Variants in SUCO observed in about 807,000 individuals in gnomAD.
SUCO encodes SUN domain-containing ossification factor.
SUCO carries 57 observed loss-of-function variants against 148.1 expected under a neutral mutation model. The observed-to-expected ratio is 0.38, with a 90% CI of 0.31 to 0.48. The LOEUF (loss-of-function observed/expected upper bound fraction) is 0.48. Among genes scored for constraint, SUCO ranks in the 20% least tolerant of loss-of-function variants. The pLI, the probability that SUCO is intolerant of heterozygous loss-of-function variation, is 0.96. For synonymous variants in SUCO, 470 were observed against 502.7 expected (o/e 0.93, Z 0.87); for missense variants, 1,331 against 1,468.2 (o/e 0.91, Z 1.53).
chr1:172,592,665 T>C (rs1656756790), intron 19 of SUCO, among the ~76,000 whole-genome samples: 1 of 152,234 alleles, frequency 6.6e-6, no homozygotes, highest in Non-Finnish European at 1.5e-5. Flanking sequence ...TACCATGCTG[T>C]TTTTGTTACT....
At chr1:172,595,367 C>T (rs555722254) in intron 19 of SUCO, among the ~76,000 whole-genome samples, 2 of 152,344 alleles carry the variant, frequency 1.3e-5, no homozygotes, top group South Asian at 2.1e-4. Context: ...GCAGTTTCTT[C>T]CTAGCCTTGA....
chr1:172,532,601 C>T (rs771538556), upstream of SUCO: 9 of 1,613,990 alleles, frequency 5.6e-6, no homozygotes, highest in Non-Finnish European at 6.8e-6. Flanking sequence ...CTAGGCCATT[C>T]CACGAACTGT....
At position 172,592,770 on chromosome 1, in the gene SUCO, G is replaced by A. The variant is rs187440931; in HGVS notation, c.2913+1699G>A. Among the ~76,000 whole-genome samples the A allele has an allele frequency of 1.6e-3, 243 of 152,108 alleles. 1 individual carries two copies. Among genetic ancestry groups the A allele is most frequent in the Admixed American group, 2.4e-3 (36 of 15,268 alleles). ...GTCTTGGCAATGTGGGCTCTTTTTT[G>A]GTTCCTTATGAACTTTAAAGTAGTT... On this transcript the variant is annotated intron_variant, in intron 19 of 23. Coordinates refer to ENST00000263688, the MANE Select transcript of SUCO (RefSeq NM_014283.5).
chr1:172,542,929 G>A (rs1652591211), intron 1 of SUCO: 1 of 985,232 alleles, frequency 1.0e-6, no homozygotes, highest in Admixed American at 6.1e-5. Context: ...TTCAAAAGAG[G>A]GAAGTGATTG....
intron 19 of SUCO, among the ~76,000 whole-genome samples, chr1:172,592,118 G>C (rs1449698083): frequency 6.6e-6 from 1 of 152,136 alleles, no homozygotes; most frequent in Non-Finnish European, 1.5e-5. Flanking sequence ...CCTACTTTTT[G>C]ATGGGGTTGT....
intron 19 of SUCO, among the ~76,000 whole-genome samples, 179 bp downstream of exon 19, chr1:172,591,250 C>G (rs1656640754): frequency 1.3e-5 from 2 of 151,924 alleles, no homozygotes; most frequent in African/African-American, 4.8e-5. Context: ...GCATCATTAT[C>G]TTCTGTAGAG....
chr1:172,577,395 T>G, intron 11 of SUCO, 144 bp from the exon 12 acceptor site: 1 of 727,984 alleles, frequency 1.4e-6, no homozygotes, highest in East Asian at 2.9e-5. Context: ...CTGCAAGGAA[T>G]TAAGAATACT....
chr1:172,552,178 A>G (rs1183456334), intron 2 of SUCO: 2 of 152,090 alleles, frequency 1.3e-5, no homozygotes, highest in Non-Finnish European at 2.9e-5. Flanking sequence ...TTATATTGGT[A>G]TAAAATATTT....
intron 3 of SUCO, among the ~76,000 whole-genome samples, chr1:172,554,027 A>G (rs1455957296): frequency 4.6e-5 from 7 of 152,242 alleles, no homozygotes; most frequent in Non-Finnish European, 1.0e-4. Flanking sequence ...AAGAACACAC[A>G]TTTCAACTCA....
At chr1:172,539,564 A>G (rs1652286210) in intron 1 of SUCO, among the ~76,000 whole-genome samples, 1 of 152,168 alleles carries the variant, frequency 6.6e-6, no homozygotes, top group Non-Finnish European at 1.5e-5. Flanking sequence ...TATATTTTAC[A>G]TGAAAGTGAC....
At chr1:172,557,119 C>G (rs1653810123) in intron 4 of SUCO, 161 bp from the exon 5 acceptor site, 1 of 980,096 alleles carries the variant, frequency 1.0e-6, no homozygotes, top group African/African-American at 1.8e-5. Context: ...TATTTAGAAG[C>G]TGAGGACAAT....
At chr1:172,559,545 A>G (rs1653987834) in intron 6 of SUCO, among the ~76,000 whole-genome samples, 1 of 152,114 alleles carries the variant, frequency 6.6e-6, no homozygotes, top group South Asian at 2.1e-4. Context: ...GCGGCAGTGT[A>G]CAGCAGCAGC....
At chr1:172,590,920 T>A (rs1656606446) in intron 18 of SUCO, 64 bp from the exon 19 acceptor site, 4 of 1,148,576 alleles carry the variant, frequency 3.5e-6, no homozygotes, top group Non-Finnish European at 3.8e-6. Flanking sequence ...CAGAAGTATG[T>A]TTCCATTACT....
At chr1:172,578,418 G>A (rs771282357) in intron 14 of SUCO, 29 bp downstream of exon 14, 2 of 1,586,186 alleles carry the variant, frequency 1.3e-6, no homozygotes, top group East Asian at 4.5e-5. Context: ...ATGACTGTTA[G>A]GTATATTTTT....
chr1:172,534,631 A>C (rs1014295655), intron 1 of SUCO, among the ~76,000 whole-genome samples: 5 of 152,228 alleles, frequency 3.3e-5, no homozygotes, highest in African/African-American at 1.2e-4. Flanking sequence ...ATTACCTTTC[A>C]TTCTGAATCC....
At chr1:172,539,735 A>G (rs1025784415) in intron 1 of SUCO, among the ~76,000 whole-genome samples, 3 of 152,214 alleles carry the variant, frequency 2.0e-5, no homozygotes, top group African/African-American at 7.2e-5. Flanking sequence ...TGAGTTATTC[A>G]TTGACTCTAG....
chr1:172,565,416 G>C lies in SUCO; in HGVS notation c.733-3603G>C, dbSNP rs73034018. Among the ~76,000 whole-genome samples, 236 of 152,344 alleles carry C rather than the reference G, an allele frequency of 1.5e-3. 1 individual carries two copies. The highest frequency in any genetic ancestry group is 5.4e-3 in the African/African-American group (225 of 41,580). ...CTAACTTTAGGACAGAAAAGGGCAA[G>C]ACTAATACTTCCCTAGGGAGAGGGG... On this transcript the variant is annotated intron_variant, in intron 6 of 23. Transcript: ENST00000263688.
chr1:172,561,296 G>A (rs1290361088), intron 6 of SUCO, among the ~76,000 whole-genome samples: 2 of 152,162 alleles, frequency 1.3e-5, no homozygotes, highest in African/African-American at 4.8e-5. Flanking sequence ...ATTCAGTGGG[G>A]GGAGTTCATT....
chr1:172,602,575 G>C, intron 21 of SUCO, 121 bp from the exon 22 acceptor site: 1 of 1,474,540 alleles, frequency 6.8e-7, no homozygotes, highest in Non-Finnish European at 8.9e-7. Context: ...TAACTGGAGT[G>C]TTAGAGTTAG....
Sources: allele counts gnomAD v4.1 joint callset (sites outside exome capture counted in the v4.1 genomes callset), GRCh38; gene constraint gnomAD v4.1.1; transcripts MANE v1.5; gene names NCBI Gene and HGNC (gene_info 2026-07-23, HGNC 2026-07-21).